ATR: variants seen among roughly 807,000 people sequenced by gnomAD.
ATR encodes the protein ATR checkpoint kinase, also known as serine/threonine-protein kinase ATR.
Under a neutral mutation model 305.3 loss-of-function variants are expected in ATR, and 142 were observed. The observed-to-expected ratio is 0.47, with a 90% CI of 0.41 to 0.53. The LOEUF (loss-of-function observed/expected upper bound fraction) is 0.53. Among genes scored for constraint, ATR ranks in the 20% least tolerant of loss-of-function variants. ATR has a pLI of 0.00. For missense variants in ATR, 2,135 were observed against 3,133.1 expected (o/e 0.68, Z 7.60); for synonymous variants, 1,050 against 1,068.1 (o/e 0.98, Z 0.33).
intron 24 of ATR, among the ~76,000 whole-genome samples, chr3:142,519,303 ATT>A (rs112517629): frequency 2.1e-5 from 3 of 144,710 alleles, no homozygotes; most frequent in East Asian, 2.0e-4. Flanking sequence ...AATCACATTA[ATT>A]TTTTTTTTTT....
At chr3:142,510,115 G>A (rs372152283) in intron 27 of ATR, among the ~76,000 whole-genome samples, 1,132 of 95,020 alleles carry the variant, frequency 0.012, 1 homozygote, top group Admixed American at 0.012. Context: ...GACTGTCTCA[G>A]AAAAAAAAAA....
intron 16 of ATR, among the ~76,000 whole-genome samples, chr3:142,546,306 G>C (rs1483439031): frequency 6.6e-6 from 1 of 152,124 alleles, no homozygotes; most frequent in African/African-American, 2.4e-5. Context: ...AGAACTAAGG[G>C]GGGCATTAAG....
rs191631592 is a variant in ATR at position 142,540,912 on chromosome 3, C to T, written c.3573G>A (p.Leu1191=). ...CTCAGGCAGTCATTTACCTGCAACACAATTCAGGAAAATCATCCTTGAATC... is the reference window on the plus strand; with the variant it reads ...CTCAGGCAGTCATTTACCTGCAACATAATTCAGGAAAATCATCCTTGAATC... ...GLRFKDDFPE[L]CCRAWDCFVR... Residue 1191 remains leucine (L), a synonymous_variant, in exon 18 of 47, where the codon TTG becomes TTA. Coordinates refer to ENST00000350721, the MANE Select transcript of ATR (RefSeq NM_001184.4). The T allele has an allele frequency of 1.2e-6, 2 of 1,610,684 alleles. No homozygotes were observed. The highest frequency in any genetic ancestry group is 3.4e-5 in the Admixed American group (2 of 59,588).
intron 16 of ATR, 44 bp downstream of exon 16, chr3:142,547,681 G>A (rs1228649517): frequency 1.3e-6 from 2 of 1,580,660 alleles, no homozygotes. Flanking sequence ...AGCTGCAAAA[G>A]GAAGAAAAAC....
At chr3:142,559,546 T>A in intron 6 of ATR, 105 bp from the exon 7 acceptor site, 2 of 1,068,032 alleles carry the variant, frequency 1.9e-6, no homozygotes, top group Non-Finnish European at 2.8e-6. Context: ...GTACGAAATT[T>A]ATCTATAACA....
At chr3:142,570,944 A>G (rs2035239516) in intron 1 of ATR, among the ~76,000 whole-genome samples, 2 of 152,196 alleles carry the variant, frequency 1.3e-5, no homozygotes, top group African/African-American at 4.8e-5. Flanking sequence ...TTTCTCCCTT[A>G]TAATGGAAAG....
rs909229299 is a variant in ATR, at chr3:142,466,607, A to G, written c.6688-74T>C. The G allele has an allele frequency of 7.3e-6, 10 of 1,361,660 alleles. No homozygotes were observed. In the African/African-American group the frequency reaches 1.5e-4, roughly 20 times the overall value. 84.3% of individuals were successfully genotyped at this position (1,361,660 alleles called of 1,614,324 possible). A position where few individuals can be genotyped will look rare whatever the true frequency, so the allele number is the denominator to read the frequency against. On this transcript the variant is annotated intron_variant, in intron 39 of 46. Coordinates refer to ENST00000350721, the MANE Select transcript of ATR (RefSeq NM_001184.4). ...CTATAACAAAAATTTCACTTTTACA[A>G]TATTTTGATTACAAAGGTTCAGCAG...
intron 36 of ATR, among the ~76,000 whole-genome samples, chr3:142,471,766 C>T (rs80209596): frequency 0.018 from 2,725 of 152,220 alleles, 29 homozygotes; most frequent in South Asian, 0.041. Flanking sequence ...CTATTCTCAG[C>T]AATTTTCAAT....
At chr3:142,542,808 TA>T (rs2034102247) in intron 16 of ATR, 51 bp from the exon 17 acceptor site, 1 of 1,380,470 alleles carries the variant, frequency 7.2e-7, no homozygotes. Context: ...TTGAATTTCT[TA>T]AGTTGACATT....
At position 142,479,781 on chromosome 3, in the gene ATR, C is replaced by G. The variant is rs188888340; in HGVS notation, c.6221+5359G>C. 1.5e-3 allele frequency among the ~76,000 whole-genome samples: 227 copies of G among 152,212 alleles called. 1 individual carries two copies. Among genetic ancestry groups the G allele is most frequent in the African/African-American group, 5.1e-3 (212 of 41,552 alleles). ...TCCCATATTTCTTGGAGGCTTTGTT[C>G]GTTTCTTTTTATTCTTTTTTCTCTA... is the stretch of plus-strand genomic sequence containing the variant. On this transcript the variant is annotated intron_variant, in intron 36 of 46. Transcript: ENST00000350721.
At chr3:142,479,179 GCA>G (rs2030211681) in intron 36 of ATR, among the ~76,000 whole-genome samples, 1 of 152,200 alleles carries the variant, frequency 6.6e-6, no homozygotes, top group Non-Finnish European at 1.5e-5. Flanking sequence ...TTTCTTCCTA[GCA>G]TCGATGGTCT....
intron 21 of ATR, among the ~76,000 whole-genome samples, chr3:142,529,169 CGT>C (rs1280348576): frequency 6.6e-6 from 1 of 151,414 alleles, no homozygotes; most frequent in Non-Finnish European, 1.5e-5. Flanking sequence ...CGTGAGCTAC[CGT>C]GCCCAGCCTA....
In ATR at chr3:142,546,885, A is replaced by G. The variant is rs560895642; in HGVS notation, c.3357+840T>C. ...ATAGTGAGAAAAGAGCCAGACTAGA[A>G]TGGGAAATGAGAAACCAGAGATAAA... On this transcript the variant is annotated intron_variant, in intron 16 of 46. Transcript: ENST00000350721. Among the ~76,000 whole-genome samples, 7 of 152,306 alleles carry G rather than the reference A, an allele frequency of 4.6e-5. No homozygotes were observed. The South Asian group carries it at 1.4e-3, about 32-fold the overall frequency.
chr3:142,504,939 C>T (rs1263877890), intron 29 of ATR, among the ~76,000 whole-genome samples, 200 bp downstream of exon 29: 5 of 151,886 alleles, frequency 3.3e-5, no homozygotes, highest in African/African-American at 9.7e-5. Context: ...CCCAGCTACT[C>T]GGGAGGCTGA....
chr3:142,488,569 G>C (rs2108317701), intron 35 of ATR, among the ~76,000 whole-genome samples: 1 of 152,314 alleles, frequency 6.6e-6, no homozygotes, highest in East Asian at 1.9e-4. Context: ...TCTACAGATA[G>C]TTAACAGTAT....
At position 142,547,945 on chromosome 3, in the gene ATR, T is replaced by G. The variant is rs774500084; in HGVS notation, c.3172-35A>C. On this transcript the variant is annotated intron_variant, in intron 15 of 46. Transcript: ENST00000350721. ...AGACATGTTAAAAAAAATTTTTTTCTTCATACTAATATCCTGGAAATAAGT... is the reference window on the plus strand; with the variant it reads ...AGACATGTTAAAAAAAATTTTTTTCGTCATACTAATATCCTGGAAATAAGT... 2.5e-6 allele frequency: 4 copies of G among 1,571,292 alleles called. No homozygotes were observed. In the Admixed American group the frequency reaches 6.7e-5, roughly 26 times the overall value.
At chr3:142,514,111 A>C (rs567508532) in intron 25 of ATR, among the ~76,000 whole-genome samples, 66 of 151,830 alleles carry the variant, frequency 4.3e-4, no homozygotes, top group African/African-American at 1.2e-3. Flanking sequence ...CTACAAAAAA[A>C]ACACACACAA....
intron 3 of ATR, among the ~76,000 whole-genome samples, chr3:142,564,856 A>G (rs1265889536): frequency 6.6e-6 from 1 of 152,104 alleles, no homozygotes; most frequent in Non-Finnish European, 1.5e-5. Context: ...GGCTAAAGCA[A>G]TTAGTGTGCC....
At chr3:142,514,244 G>A (rs1167063119) in intron 25 of ATR, among the ~76,000 whole-genome samples, 1 of 151,812 alleles carries the variant, frequency 6.6e-6, no homozygotes, top group East Asian at 2.0e-4. Context: ...CAGCCTGAGT[G>A]ACAGAGCGAG....
Sources: allele counts gnomAD v4.1 joint callset (sites outside exome capture counted in the v4.1 genomes callset), GRCh38; gene constraint gnomAD v4.1.1; transcripts MANE v1.5; gene names NCBI Gene and HGNC (gene_info 2026-07-23, HGNC 2026-07-21).